The following PTPRD variants were observed in gnomAD, a reference collection of about 807,000 sequenced individuals.
PTPRD encodes receptor-type tyrosine-protein phosphatase delta.
PTPRD carries 34 observed loss-of-function variants against 214.5 expected under a neutral mutation model. That is an observed-to-expected ratio of 0.16 (90% CI 0.12 to 0.21). The LOEUF is 0.21. Ranked by LOEUF, PTPRD falls within the 10% of genes least tolerant of loss-of-function variation. The probability of loss-of-function intolerance (pLI) is 1.00; values close to 1 mark genes in which losing one functional copy is unlikely to be tolerated. For synonymous variants in PTPRD, 1,128 were observed against 845.7 expected, an observed-to-expected ratio of 1.33 and a Z score of -5.79; for missense variants, 2,545 against 2,398.7, an observed-to-expected ratio of 1.06 and a Z score of -1.27.
intron 4 of PTPRD, among the ~76,000 whole-genome samples, chr9:10,002,139 G>C (rs919136701): frequency 2.0e-5 from 3 of 150,682 alleles, no homozygotes; most frequent in Non-Finnish European, 3.0e-5. Flanking sequence ...GTAATCCCAA[G>C]CACAATAACT....
At chr9:8,685,705 A>C (rs997412646) in intron 12 of PTPRD, among the ~76,000 whole-genome samples, 7 of 152,212 alleles carry the variant, frequency 4.6e-5, no homozygotes, top group Non-Finnish European at 2.9e-5. Flanking sequence ...GGTGTTCAAG[A>C]ATGTCAAGCA....
Position 9,743,112 on chromosome 9 carries a change from A to G in PTPRD, c.-325-8541T>C, listed in dbSNP as rs560248838. Among the ~76,000 whole-genome samples the G allele has an allele frequency of 3.3e-5, 5 of 152,236 alleles. No individual in the cohort carries two copies. In the East Asian group the frequency reaches 9.7e-4, roughly 29 times the overall value. Reference sequence around the variant, plus strand: ...TCCCACATAGCCTTACCTTCTCTCTACATCCCCCTGCAATGGCTCATGAGC... The same window carrying G: ...TCCCACATAGCCTTACCTTCTCTCTGCATCCCCCTGCAATGGCTCATGAGC... On this transcript the variant is annotated intron_variant, in intron 6 of 45. Coordinates refer to ENST00000381196, the MANE Select transcript of PTPRD (RefSeq NM_002839.4).
At chr9:10,194,345 TAGAGAGAGAGAGAGAGAG>T (rs1182799154) in intron 3 of PTPRD, among the ~76,000 whole-genome samples, 2,345 of 38,980 alleles carry the variant, frequency 0.06, 19 homozygotes, top group Non-Finnish European at 0.071. Context: ...TATATATATA[TAGAGAGAGAGAGAGAGAG>T]AGAGAGAGAG....
intron 2 of PTPRD, among the ~76,000 whole-genome samples, chr9:10,518,778 C>T (rs868828791): frequency 3.3e-5 from 5 of 151,700 alleles, no homozygotes; most frequent in African/African-American, 9.7e-5. Flanking sequence ...GTGATCTGCC[C>T]GCCTTGGCCT....
intron 9 of PTPRD, among the ~76,000 whole-genome samples, chr9:9,385,570 C>T (rs2063620009): frequency 1.3e-5 from 2 of 152,066 alleles, no homozygotes; most frequent in Admixed American, 1.3e-4. Flanking sequence ...GTATTTCATC[C>T]ATAAACCTTC....
At chr9:9,102,306 C>T (rs1591646547) in intron 10 of PTPRD, among the ~76,000 whole-genome samples, 1 of 152,144 alleles carries the variant, frequency 6.6e-6, no homozygotes, top group African/African-American at 2.4e-5. Flanking sequence ...TGTCTATTCT[C>T]TTTTGAATTT....
intron 2 of PTPRD, among the ~76,000 whole-genome samples, chr9:10,391,290 A>G (rs2098059215): frequency 6.6e-6 from 1 of 151,786 alleles, no homozygotes. Flanking sequence ...TGTGGTTTGG[A>G]CAATATTCAC....
intron 2 of PTPRD, among the ~76,000 whole-genome samples, chr9:10,558,887 T>C (rs567037969): frequency 6.6e-6 from 1 of 152,170 alleles, no homozygotes; most frequent in Non-Finnish European, 1.5e-5. Flanking sequence ...AGTCTTGGAA[T>C]TGCAACTCTT....
intron 3 of PTPRD, among the ~76,000 whole-genome samples, chr9:10,305,158 G>C (rs1410843145): frequency 1.3e-5 from 2 of 152,042 alleles, no homozygotes; most frequent in African/African-American, 4.8e-5. Context: ...ATGGGGAAAG[G>C]ATTCCCTATT....
intron 17 of PTPRD, among the ~76,000 whole-genome samples, chr9:8,526,075 A>C (rs571002131): frequency 1.3e-5 from 2 of 152,246 alleles, no homozygotes; most frequent in South Asian, 4.1e-4. Context: ...AGACATTAAG[A>C]GAAAAAAGAA....
intron 7 of PTPRD, among the ~76,000 whole-genome samples, chr9:9,639,928 G>T (rs2095881801): frequency 6.6e-6 from 1 of 152,122 alleles, no homozygotes; most frequent in African/African-American, 2.4e-5. Flanking sequence ...AGAAAATACA[G>T]GCTTTGTTCT....
chr9:9,749,311 G>A (rs1471615605), intron 6 of PTPRD, among the ~76,000 whole-genome samples: 1 of 152,164 alleles, frequency 6.6e-6, no homozygotes, highest in African/African-American at 2.4e-5. Flanking sequence ...GCTTAACTCA[G>A]TGGTAGGGTA....
intron 26 of PTPRD, among the ~76,000 whole-genome samples, chr9:8,493,651 G>A (rs1424819508): frequency 6.6e-6 from 1 of 152,138 alleles, no homozygotes; most frequent in Non-Finnish European, 1.5e-5. Context: ...ATTATCCACT[G>A]AGGAGAATTT....
chr9:9,018,254 A>T (rs571726721), intron 11 of PTPRD, among the ~76,000 whole-genome samples: 1 of 152,250 alleles, frequency 6.6e-6, no homozygotes, highest in East Asian at 1.9e-4. Flanking sequence ...GTTCCACACG[A>T]GGTGGAGTTT....
intron 10 of PTPRD, among the ~76,000 whole-genome samples, chr9:9,148,052 G>A (rs919252855): frequency 1.2e-4 from 19 of 152,124 alleles, no homozygotes; most frequent in African/African-American, 2.9e-4. Flanking sequence ...AGGTTAATAC[G>A]CATATGGAAG....
At chr9:10,256,321 C>G (rs2093273467) in intron 3 of PTPRD, among the ~76,000 whole-genome samples, 1 of 151,462 alleles carries the variant, frequency 6.6e-6, no homozygotes, top group African/African-American at 2.4e-5. Flanking sequence ...GGGGTAATAA[C>G]ACACATGCAG....
intron 3 of PTPRD, among the ~76,000 whole-genome samples, chr9:10,312,232 G>T (rs1201987854): frequency 1.3e-5 from 2 of 151,858 alleles, no homozygotes; most frequent in Non-Finnish European, 2.9e-5. Flanking sequence ...GCCAACATTG[G>T]AATAAAAAGG....
intron 25 of PTPRD, 37 bp downstream of exon 25, chr9:8,499,610 T>G (rs761743935): frequency 1.7e-5 from 26 of 1,572,492 alleles, no homozygotes; most frequent in Middle Eastern, 3.7e-4. Flanking sequence ...ATAAACTTAT[T>G]ATATAAAAAC....
intron 11 of PTPRD, among the ~76,000 whole-genome samples, chr9:8,794,308 G>C (rs1424407838): frequency 6.6e-6 from 1 of 152,160 alleles, no homozygotes; most frequent in Non-Finnish European, 1.5e-5. Context: ...TGCAACTGAA[G>C]AACCAGAGGA....
Sources: allele counts gnomAD v4.1 joint callset (sites outside exome capture counted in the v4.1 genomes callset), GRCh38; gene constraint gnomAD v4.1.1; transcripts MANE v1.5; gene names NCBI Gene and HGNC (gene_info 2026-07-23, HGNC 2026-07-21).